The following FAM217B variants were observed in gnomAD, a reference collection of about 807,000 sequenced individuals.
FAM217B encodes the protein family with sequence similarity 217 member B.
For missense variants in FAM217B, 463 were observed against 456.9 expected (o/e 1.01, Z -0.12); for synonymous variants, 163 against 173.0 (o/e 0.94, Z 0.45).
rs776773673 is a variant in FAM217B, at chr20:59,943,924, T to C, written c.-4-16T>C. On this transcript the variant is annotated splice_polypyrimidine_tract_variant and intron_variant, in intron 3 of 3. Transcript: ENST00000360816. ...TTGTCATATGTGGTAAGAATTGCAG[T>C]TTTATTTTCTCACAGCAATATGAAT... is the stretch of plus-strand genomic sequence containing the variant. The C allele has an allele frequency of 6.4e-7, 1 of 1,558,726 alleles. No homozygotes were observed. Among genetic ancestry groups the C allele is most frequent in the Non-Finnish European group, 8.7e-7 (1 of 1,154,996 alleles).
In FAM217B at chr20:59,944,920, C is replaced by G. The variant is rs1470611572; in HGVS notation, c.977C>G (p.Pro326Arg). ...GAAACCAGCGGTCACATTCGAGTTC[C>G]CAAACAGGCAGCTGTGATTCTGGAC... The part of the protein sequence containing the change: ...KVETSGHIRV[P>R]KQAAVILDSA... Residue 326 changes from proline (P) to arginine (R), a missense_variant, in exon 4 of 4, where the codon CCC (proline) becomes CGC (arginine). Coordinates refer to ENST00000360816, the MANE Select transcript of FAM217B (RefSeq NM_022106.3). 5 of 1,614,068 alleles carry G rather than the reference C, an allele frequency of 3.1e-6. No homozygotes were observed. In the Admixed American group the frequency reaches 8.3e-5, roughly 27 times the overall value.
At chr20:59,935,061 A>C (rs1336982304) in intron 1 of FAM217B, among the ~76,000 whole-genome samples, 2 of 152,380 alleles carry the variant, frequency 1.3e-5, no homozygotes, top group South Asian at 2.1e-4. Context: ...TATATGTTCA[A>C]AGCTTTCAAT....
upstream of FAM217B, chr20:59,938,730 A>G (rs573061456): frequency 1.3e-4 from 37 of 284,712 alleles, no homozygotes; most frequent in East Asian, 1.8e-3. Context: ...GCCTTTGCAA[A>G]ACAAGCTGCT....
upstream of FAM217B, chr20:59,939,462 G>C (rs923532419): frequency 6.2e-7 from 1 of 1,611,940 alleles, no homozygotes; most frequent in Non-Finnish European, 8.5e-7. Flanking sequence ...CGGGAAATCG[G>C]GCACCAGGCA....
At chr20:59,941,417 A>G (rs542310927) in intron 1 of FAM217B, among the ~76,000 whole-genome samples, 39 of 152,392 alleles carry the variant, frequency 2.6e-4, no homozygotes, top group African/African-American at 8.9e-4. Context: ...AAAGGCTTAC[A>G]TGATTAATGT....
At chr20:59,939,177 C>T (rs2060881457), upstream of FAM217B, 3 of 1,609,796 alleles carry the variant, frequency 1.9e-6, no homozygotes, top group Non-Finnish European at 1.7e-6. Flanking sequence ...GAAGTGCACG[C>T]GGGAGCCGAG....
chr20:59,934,445 GT>G (rs1177837440), intron 1 of FAM217B, among the ~76,000 whole-genome samples: 1 of 152,006 alleles, frequency 6.6e-6, no homozygotes, highest in African/African-American at 2.4e-5. Flanking sequence ...TCTTCTGCGT[GT>G]TTTCCCCGTG....
At position 59,944,550 on chromosome 20, in the gene FAM217B, G is replaced by T. The variant is rs1374637005; in HGVS notation, c.607G>T (p.Gly203Trp). ...GACTGTACAGTGTGAAAAAGCAAAG[G>T]GGGGCAAAGCAAGGCCCCCCACTGC... Reference protein sequence around the residue: ...VQTVQCEKAKGGKARPPTAPG... With the variant: ...VQTVQCEKAKWGKARPPTAPG... Residue 203 changes from glycine to tryptophan, a missense_variant, in exon 4 of 4, where the codon GGG becomes TGG. Transcript: ENST00000360816. The T allele has an allele frequency of 1.9e-6, 3 of 1,613,886 alleles. No homozygotes were observed. Among genetic ancestry groups the T allele is most frequent in the African/African-American group, 2.7e-5 (2 of 74,868 alleles).
rs2060949106 is a variant in FAM217B at position 59,948,241 on chromosome 20, A to G, written c.*3146A>G. 1 of 167,072 alleles carries G rather than the reference A, an allele frequency of 6.0e-6. No individual in the cohort carries two copies. The highest frequency in any genetic ancestry group is 6.5e-5 in the Admixed American group (1 of 15,284). The allele number at this position is 167,072 out of a possible 1,614,324, so 10.3% of individuals were successfully genotyped here. A position where few individuals can be genotyped will look rare whatever the true frequency, so the allele number is the denominator to read the frequency against. On this transcript the variant is annotated 3_prime_UTR_variant, in exon 4 of 4. Coordinates refer to ENST00000360816, the MANE Select transcript of FAM217B (RefSeq NM_022106.3). ...CTTGTAACTAACTTGAATAGGATAG[A>G]CTTCATACCCTGTGACAAAAAGGAT...
chr20:59,938,226 A>G (rs2060873507), upstream of FAM217B: 1 of 152,248 alleles, frequency 6.6e-6, no homozygotes, highest in Non-Finnish European at 1.5e-5. Context: ...TGGCCTGATA[A>G]TGATCAAACA....
rs750527802 is a variant in FAM217B at position 59,943,942 on chromosome 20, A to G, written c.-2A>G. The G allele has an allele frequency of 1.3e-6, 2 of 1,589,474 alleles. No individual in the cohort carries two copies. The highest frequency in any genetic ancestry group is 2.2e-5 in the East Asian group (1 of 44,684). ...ATTGCAGTTTTATTTTCTCACAGCA[A>G]TATGAATGCTGGCCCATCTTGGAAT... On this transcript the variant is annotated splice_region_variant and 5_prime_UTR_variant, in exon 4 of 4. Transcript: ENST00000360816.
chr20:59,938,453 C>T (rs1019590736), upstream of FAM217B: 1 of 152,340 alleles, frequency 6.6e-6, no homozygotes, highest in Non-Finnish European at 1.5e-5. Flanking sequence ...AAGGCTACAG[C>T]CGTTGGCAAT....
chr20:59,939,246 G>C (rs759821423), upstream of FAM217B: 1 of 1,611,548 alleles, frequency 6.2e-7, no homozygotes, highest in Admixed American at 1.7e-5. Flanking sequence ...CGTGCCCTCG[G>C]GGCCTGCGGG....
upstream of FAM217B, chr20:59,939,236 C>T (rs770348495): frequency 2.5e-6 from 4 of 1,611,298 alleles, no homozygotes; most frequent in Non-Finnish European, 3.4e-6. Context: ...AAACGTCCTC[C>T]GTGCCCTCGG....
At chr20:59,943,040 T>C (rs983375334) in intron 3 of FAM217B, among the ~76,000 whole-genome samples, 1 of 152,228 alleles carries the variant, frequency 6.6e-6, no homozygotes, top group Admixed American at 6.5e-5. Flanking sequence ...CCAGAAAGCA[T>C]GTTTACCACC....
upstream of FAM217B, chr20:59,937,047 A>C (rs1453748426): frequency 1.3e-5 from 2 of 152,650 alleles, no homozygotes; most frequent in African/African-American, 4.8e-5. Context: ...TTTAAATTTC[A>C]TAATGTTGGT....
At chr20:59,939,971 A>C (rs777340467), upstream of FAM217B, 20 of 1,252,416 alleles carry the variant, frequency 1.6e-5, no homozygotes, top group Non-Finnish European at 1.8e-5. Flanking sequence ...GGGATGAGAG[A>C]CGACCTCCCG....
chr20:59,934,203 T>C (rs2060837647), intron 1 of FAM217B, among the ~76,000 whole-genome samples: 1 of 152,076 alleles, frequency 6.6e-6, no homozygotes, highest in Non-Finnish European at 1.5e-5. Flanking sequence ...GGCTCCTGGG[T>C]GCGGGTGCCG....
In FAM217B at chr20:59,944,332, A is replaced by G; in HGVS notation, c.389A>G (p.His130Arg). The G allele has an allele frequency of 1.2e-6, 2 of 1,613,980 alleles. No homozygotes were observed. The highest frequency in any genetic ancestry group is 1.7e-6 in the Non-Finnish European group (2 of 1,180,002). ...EEIDPVYFDL[H>R]PGQGHTKPEY... ...ATTGATCCAGTTTACTTTGATCTTC[A>G]CCCTGGTCAGGGCCATACAAAACCT... The change falls in exon 4 of 4, where the codon CAC becomes CGC. Residue 130 changes from histidine (H) to arginine (R), a missense_variant. His to Arg is a conservative substitution (Grantham distance 29, BLOSUM62 0). Coordinates refer to ENST00000360816, the MANE Select transcript of FAM217B (RefSeq NM_022106.3).
Sources: gnomAD v4.1 joint callset for allele counts (sites outside exome capture counted in the v4.1 genomes callset) on GRCh38, gnomAD v4.1.1 for gene constraint, MANE v1.5 for transcripts, NCBI Gene and HGNC (gene_info 2026-07-23, HGNC 2026-07-21) for gene names.